Variants in LTBP1 observed in about 807,000 individuals in gnomAD.
LTBP1 encodes the protein latent transforming growth factor beta binding protein 1, also known as latent-transforming growth factor beta-binding protein 1.
LTBP1 carries 129 observed loss-of-function variants against 207.6 expected under a neutral mutation model. That is an observed-to-expected ratio of 0.62 (90% CI 0.54 to 0.72). LTBP1 has a LOEUF of 0.72. Ranked by LOEUF, LTBP1 falls within the 30% of genes least tolerant of loss-of-function variation. The probability of loss-of-function intolerance (pLI) is 0.00; values close to 1 mark genes in which losing one functional copy is unlikely to be tolerated. For missense variants in LTBP1, 2,281 were observed against 2,217.2 expected (o/e 1.03, Z -0.58); for synonymous variants, 963 against 833.7 (o/e 1.16, Z -2.67).
At chr2:33,113,888 T>C (rs2080560773) in intron 4 of LTBP1, among the ~76,000 whole-genome samples, 1 of 152,212 alleles carries the variant, frequency 6.6e-6, no homozygotes, top group Non-Finnish European at 1.5e-5. Context: ...TTATGAATAA[T>C]GGAGTGCAGT....
At chr2:33,031,264 A>G (rs990166676) in intron 3 of LTBP1, among the ~76,000 whole-genome samples, 1 of 152,216 alleles carries the variant, frequency 6.6e-6, no homozygotes, top group African/African-American at 2.4e-5. Context: ...ATAAATCGTA[A>G]TATACTACTG....
intron 3 of LTBP1, among the ~76,000 whole-genome samples, chr2:33,090,774 C>G (rs1364987431): frequency 6.6e-6 from 1 of 152,112 alleles, no homozygotes; most frequent in African/African-American, 2.4e-5. Context: ...ACTCTAAAGT[C>G]CAACTATAAT....
intron 22 of LTBP1, 70 bp downstream of exon 22, chr2:33,301,714 C>A: frequency 7.3e-7 from 1 of 1,372,402 alleles, no homozygotes; most frequent in South Asian, 1.6e-5. Context: ...ATCATCTCAG[C>A]CTTGATCTTT....
At chr2:33,041,651 CTTTA>C (rs1047686189) in intron 3 of LTBP1, among the ~76,000 whole-genome samples, 1 of 152,168 alleles carries the variant, frequency 6.6e-6, no homozygotes, top group Non-Finnish European at 1.5e-5. Context: ...GCATTCATTC[CTTTA>C]TTTATTCTGC....
At chr2:33,119,946 T>C in intron 4 of LTBP1, among the ~76,000 whole-genome samples, 1 of 152,206 alleles carries the variant, frequency 6.6e-6, no homozygotes, top group East Asian at 1.9e-4. Flanking sequence ...ATTGTTTGTT[T>C]TTGAATATCT....
intron 18 of LTBP1, among the ~76,000 whole-genome samples, chr2:33,278,020 G>A (rs2093481611): frequency 6.6e-6 from 1 of 150,830 alleles, no homozygotes; most frequent in South Asian, 2.1e-4. Flanking sequence ...TTTTAGTAGA[G>A]ACAGGGTGTC....
intron 9 of LTBP1, among the ~76,000 whole-genome samples, chr2:33,237,463 A>T (rs1180830762): frequency 6.6e-6 from 1 of 152,220 alleles, no homozygotes; most frequent in Non-Finnish European, 1.5e-5. Context: ...TGAAAAAGTT[A>T]TGTGTTCACA....
At chr2:33,278,683 G>T (rs374826019) in intron 18 of LTBP1, among the ~76,000 whole-genome samples, 1 of 152,118 alleles carries the variant, frequency 6.6e-6, no homozygotes, top group Non-Finnish European at 1.5e-5. Context: ...AGCCTGTCTC[G>T]ATGGCATTCT....
chr2:33,217,073 C>T (rs746293639), intron 7 of LTBP1, among the ~76,000 whole-genome samples: 20 of 152,180 alleles, frequency 1.3e-4, no homozygotes, highest in Non-Finnish European at 2.6e-4. Flanking sequence ...GTGCCCAGGC[C>T]TTGGGGTTAT....
chr2:33,305,330 T>C (rs2149080296), intron 22 of LTBP1, among the ~76,000 whole-genome samples: 1 of 151,896 alleles, frequency 6.6e-6, no homozygotes, highest in South Asian at 2.1e-4. Context: ...TCTCAAAATA[T>C]ATATATATGA....
intron 2 of LTBP1, among the ~76,000 whole-genome samples, chr2:32,950,374 T>C (rs1046155743): frequency 3.3e-5 from 5 of 152,020 alleles, no homozygotes; most frequent in African/African-American, 7.2e-5. Flanking sequence ...CTGGGCAGCA[T>C]GGCAAAACCC....
chr2:33,388,923 A>G (rs2095291043), intron 31 of LTBP1, among the ~76,000 whole-genome samples: 1 of 152,164 alleles, frequency 6.6e-6, no homozygotes, highest in African/African-American at 2.4e-5. Context: ...CTGCTCTGGG[A>G]TGTGGTCTAC....
chr2:33,233,510 A>G (rs568270210), intron 9 of LTBP1, among the ~76,000 whole-genome samples: 1 of 152,286 alleles, frequency 6.6e-6, no homozygotes, highest in African/African-American at 2.4e-5. Flanking sequence ...TTGTGTTCAA[A>G]TCATTGGCTT....
chr2:33,129,082 A>T (rs2081607488), intron 4 of LTBP1, among the ~76,000 whole-genome samples: 3 of 152,242 alleles, frequency 2.0e-5, no homozygotes, highest in African/African-American at 7.2e-5. Context: ...GGAAGGAGAC[A>T]CCTGGAACAG....
chr2:33,138,004 G>A (rs942124624), intron 5 of LTBP1, among the ~76,000 whole-genome samples: 1 of 152,188 alleles, frequency 6.6e-6, no homozygotes, highest in African/African-American at 2.4e-5. Flanking sequence ...TACCGGGGCT[G>A]AATCCTGGGG....
intron 4 of LTBP1, among the ~76,000 whole-genome samples, chr2:33,129,862 TCTGGATTCTTACCTGTGGAA>T: frequency 6.6e-6 from 1 of 152,208 alleles, no homozygotes. Flanking sequence ...GAAAGATTAC[TCTGGATTCTTACCTGTGGAA>T]CTGCCCACAT....
At chr2:33,331,187 A>C (rs1373476783) in intron 24 of LTBP1, among the ~76,000 whole-genome samples, 9 of 151,010 alleles carry the variant, frequency 6.0e-5, no homozygotes, top group Admixed American at 5.3e-4. Context: ...ACTTATGTGG[A>C]TTTGTTTCCT....
chr2:33,294,956 G>T (rs993331561), intron 20 of LTBP1, among the ~76,000 whole-genome samples: 4 of 151,456 alleles, frequency 2.6e-5, no homozygotes, highest in African/African-American at 9.7e-5. Flanking sequence ...CATATTTATG[G>T]GGCACACAGT....
intron 2 of LTBP1, among the ~76,000 whole-genome samples, chr2:32,969,229 T>TTTTGTG (rs1680477890): frequency 7.6e-6 from 1 of 131,614 alleles, no homozygotes; most frequent in Admixed American, 8.1e-5. Context: ...CCTGGCCAAT[T>TTTTGTG]TGTGTGTGTG....
Sources: gnomAD v4.1 joint callset for allele counts (sites outside exome capture counted in the v4.1 genomes callset) on GRCh38, gnomAD v4.1.1 for gene constraint, MANE v1.5 for transcripts, NCBI Gene and HGNC (gene_info 2026-07-23, HGNC 2026-07-21) for gene names.